The following VPS4B variants were observed in gnomAD, a reference collection of about 807,000 sequenced individuals.
VPS4B encodes vacuolar protein sorting 4 homolog B, also known as vacuolar protein sorting-associated protein 4B.
In VPS4B, 23 loss-of-function variants were observed where a neutral mutation model predicts 56.1. The ratio of observed to expected loss-of-function variants is 0.41; its 90% CI spans 0.30 to 0.58. VPS4B has a LOEUF of 0.58. VPS4B is among the 20% of genes least tolerant of loss of function. The pLI is 0.29. For synonymous variants in VPS4B, 177 were observed against 186.0 expected, an observed-to-expected ratio of 0.95 and a Z score of 0.39; for missense variants, 372 against 531.9, an observed-to-expected ratio of 0.70 and a Z score of 2.96.
Position 63,397,273 on chromosome 18 carries a change from C to A in VPS4B, c.873-20G>T. On this transcript the variant is annotated intron_variant, in intron 8 of 10. Transcript: ENST00000238497. The stretch of plus-strand genomic sequence containing the variant: ...TCAAATCTTAAAAGAGAAATTACAT[C>A]AAGAATATATTTAATTGAAAATTAG... 1.9e-6 allele frequency: 3 copies of A among 1,583,580 alleles called. No individual in the cohort carries two copies. Among genetic ancestry groups the A allele is most frequent in the Non-Finnish European group, 2.6e-6 (3 of 1,164,972 alleles).
intron 1 of VPS4B, among the ~76,000 whole-genome samples, chr18:63,415,064 C>T (rs1390590012): frequency 2.6e-5 from 4 of 152,162 alleles, no homozygotes; most frequent in Non-Finnish European, 5.9e-5. Context: ...CTGGGTGGCA[C>T]ACGTTAAACC....
chr18:63,391,801 T>C (rs1663004734), intron 10 of VPS4B, among the ~76,000 whole-genome samples: 1 of 152,244 alleles, frequency 6.6e-6, no homozygotes, highest in African/African-American at 2.4e-5. Context: ...TACCATTCTA[T>C]GAAAAATCTA....
At chr18:63,408,809 T>C (rs926145121) in intron 3 of VPS4B, among the ~76,000 whole-genome samples, 2 of 152,198 alleles carry the variant, frequency 1.3e-5, no homozygotes, top group African/African-American at 4.8e-5. Context: ...TAAACGAAGA[T>C]TGCTGTTCAG....
At chr18:63,419,730 A>T (rs1281844770) in intron 1 of VPS4B, among the ~76,000 whole-genome samples, 1 of 152,220 alleles carries the variant, frequency 6.6e-6, no homozygotes, top group Non-Finnish European at 1.5e-5. Flanking sequence ...ATTGTGACAT[A>T]GTGTTTCAAA....
chr18:63,410,555 G>A, intron 2 of VPS4B, 109 bp from the exon 3 acceptor site: 1 of 1,374,544 alleles, frequency 7.3e-7, no homozygotes, highest in South Asian at 1.3e-5. Context: ...GTTGGAAGAA[G>A]GAGGGAAGAT....
rs1408085574 is a variant in VPS4B at position 63,411,460 on chromosome 18, G to A, written c.139+7C>T. On this transcript the variant is annotated splice_region_variant and intron_variant, in intron 2 of 10. Coordinates refer to ENST00000238497, the MANE Select transcript of VPS4B (RefSeq NM_004869.4). ...GTTTTTAAATAAAATATAACCTATG[G>A]CCTCACATTTAACGACATGAAGAAA... 6 of 1,508,460 alleles carry A rather than the reference G, an allele frequency of 4.0e-6. No homozygotes were observed. Among genetic ancestry groups the A allele is most frequent in the Non-Finnish European group, 5.3e-6 (6 of 1,122,840 alleles). 93.4% of individuals were successfully genotyped at this position (1,508,460 alleles called of 1,614,324 possible).
In VPS4B at chr18:63,422,406, G is replaced by T; in HGVS notation, c.-147C>A. On this transcript the variant is annotated 5_prime_UTR_variant, in exon 1 of 11. Transcript: ENST00000238497. ...AAGGGCAGCCTCCCTTCCGGAACTT[G>T]TTTTAGACAACACTCTCTCCACCAG... The T allele has an allele frequency of 1.5e-6, 1 of 655,018 alleles. No individual in the cohort carries two copies. The highest frequency in any genetic ancestry group is 2.3e-6 in the Non-Finnish European group (1 of 429,202). 40.6% of individuals were successfully genotyped at this position (655,018 alleles called of 1,614,324 possible). A position where few individuals can be genotyped will look rare whatever the true frequency, so the allele number is the denominator to read the frequency against.
intron 9 of VPS4B, among the ~76,000 whole-genome samples, chr18:63,395,079 G>T (rs1210798819): frequency 6.6e-6 from 1 of 152,154 alleles, no homozygotes; most frequent in East Asian, 1.9e-4. Context: ...CCGCTGAGAG[G>T]TCTGCTGCAG....
chr18:63,422,238 G>A lies in VPS4B; in HGVS notation c.22C>T (p.Leu8Phe), dbSNP rs1369275222. Residue 8 changes from leucine (L) to phenylalanine (F), a missense_variant, in exon 1 of 11, where the codon CTC (leucine) becomes TTC (phenylalanine). Around this residue, in one of 3 missense-constraint regions of VPS4B, gnomAD observed 153 missense variants for 190.3 expected, o/e 0.80. Coordinates refer to ENST00000238497, the MANE Select transcript of VPS4B (RefSeq NM_004869.4). The part of the protein sequence containing the change: MSSTSPN[L>F]QKAIDLASKA... Reference sequence around the variant, plus strand: ...CGGGAGATGAGCAATGATACCTGGAGGTTGGGCGAAGTGGATGACATGGCG... The same window carrying A: ...CGGGAGATGAGCAATGATACCTGGAAGTTGGGCGAAGTGGATGACATGGCG... The A allele has an allele frequency of 1.3e-6, 2 of 1,514,670 alleles. No individual in the cohort carries two copies. Among genetic ancestry groups the A allele is most frequent in the African/African-American group, 1.4e-5 (1 of 69,338 alleles). 93.8% of individuals were successfully genotyped at this position (1,514,670 alleles called of 1,614,324 possible).
chr18:63,397,354 TAA>T (rs1455818108), intron 8 of VPS4B, 101 bp from the exon 9 acceptor site: 1 of 1,030,484 alleles, frequency 9.7e-7, no homozygotes, highest in African/African-American at 1.6e-5. Flanking sequence ...GTGCCAAGGT[TAA>T]ACATATATAT....
intron 4 of VPS4B, among the ~76,000 whole-genome samples, chr18:63,405,098 A>G (rs940834527): frequency 6.6e-6 from 1 of 152,174 alleles, no homozygotes; most frequent in African/African-American, 2.4e-5. Context: ...GTTTTCATAT[A>G]TAATACTTCT....
chr18:63,422,381 A>G lies in VPS4B; in HGVS notation c.-122T>C. ...GGAGGCCGGTGGTTCTCGGACCGCG[A>G]AGGGCAGCCTCCCTTCCGGAACTTG... On this transcript the variant is annotated 5_prime_UTR_variant, in exon 1 of 11. Coordinates refer to ENST00000238497, the MANE Select transcript of VPS4B (RefSeq NM_004869.4). The G allele has an allele frequency of 1.1e-6, 1 of 906,514 alleles. No homozygotes were observed. 56.2% of individuals were successfully genotyped at this position (906,514 alleles called of 1,614,324 possible).
In VPS4B at chr18:63,389,868, A is replaced by G. The variant is rs537974362; in HGVS notation, c.*1107T>C. The G allele has an allele frequency of 2.0e-5, 3 of 152,772 alleles. No individual in the cohort carries two copies. In the South Asian group the frequency reaches 6.2e-4, roughly 32 times the overall value. 9.5% of individuals were successfully genotyped at this position (152,772 alleles called of 1,614,324 possible). Reference sequence around the variant, plus strand: ...TATTAGCAAAGGTGCGCATTACAGTATTTCATGACAGTTAAAAATTACACA... The same window carrying G: ...TATTAGCAAAGGTGCGCATTACAGTGTTTCATGACAGTTAAAAATTACACA... On this transcript the variant is annotated 3_prime_UTR_variant, in exon 11 of 11. Transcript: ENST00000238497.
At position 63,411,530 on chromosome 18, in the gene VPS4B, T is replaced by C. The variant is rs1008460201; in HGVS notation, c.76A>G (p.Asn26Asp). 1.9e-6 allele frequency: 3 copies of C among 1,602,958 alleles called. No homozygotes were observed. Among genetic ancestry groups the C allele is most frequent in the Non-Finnish European group, 2.6e-6 (3 of 1,174,102 alleles). The change falls in exon 2 of 11, where the codon AAC becomes GAC. Residue 26 changes from asparagine to aspartate, a missense_variant. Asn to Asp is a conservative substitution (Grantham distance 23, BLOSUM62 1). Around this residue, in one of 3 missense-constraint regions of VPS4B, gnomAD observed 153 missense variants for 190.3 expected, o/e 0.80. Coordinates refer to ENST00000238497, the MANE Select transcript of VPS4B (RefSeq NM_004869.4). ...SKAAQEDKAG[N>D]YEEALQLYQH... ...TAGAGCTGAAGGGCTTCTTCGTAGTTCCCAGCCTTGTCTTCTTGCGCTGCT... is the reference window on the plus strand; with the variant it reads ...TAGAGCTGAAGGGCTTCTTCGTAGTCCCCAGCCTTGTCTTCTTGCGCTGCT...
chr18:63,395,348 TG>T (rs1445105257), intron 9 of VPS4B, among the ~76,000 whole-genome samples: 1 of 152,202 alleles, frequency 6.6e-6, no homozygotes, highest in East Asian at 1.9e-4. Context: ...GAAGGGTGGA[TG>T]AGTAACATTC....
intron 1 of VPS4B, among the ~76,000 whole-genome samples, chr18:63,412,136 A>G (rs12457695): frequency 0.29 from 43,584 of 152,112 alleles, 6,931 homozygotes; most frequent in East Asian, 0.49. Flanking sequence ...GGTCTTTTAA[A>G]TAACAAAAAC....
Position 63,403,666 on chromosome 18 carries a change from T to C in VPS4B, c.484+41A>G, listed in dbSNP as rs530397995. ...CTTCACCTCAGTCATCAATGAACTTTTACAAACTCATGAAATAAAATTATT... is the reference window on the plus strand; with the variant it reads ...CTTCACCTCAGTCATCAATGAACTTCTACAAACTCATGAAATAAAATTATT... On this transcript the variant is annotated intron_variant, in intron 5 of 10. Coordinates refer to ENST00000238497, the MANE Select transcript of VPS4B (RefSeq NM_004869.4). The C allele has an allele frequency of 8.9e-6, 14 of 1,565,920 alleles. No individual in the cohort carries two copies. In the African/African-American group the frequency reaches 1.4e-4, roughly 15 times the overall value.
intron 1 of VPS4B, among the ~76,000 whole-genome samples, chr18:63,414,962 T>C (rs1158983909): frequency 1.3e-5 from 2 of 152,232 alleles, no homozygotes; most frequent in Non-Finnish European, 2.9e-5. Flanking sequence ...ATGATGAGAA[T>C]GTCTGTATAT....
intron 1 of VPS4B, among the ~76,000 whole-genome samples, chr18:63,412,080 C>A (rs1273338010): frequency 2.0e-5 from 3 of 152,084 alleles, no homozygotes. Flanking sequence ...ATATTTCAAT[C>A]CAGTAATTAA....
Sources: gnomAD v4.1 joint callset for allele counts (sites outside exome capture counted in the v4.1 genomes callset) on GRCh38, gnomAD v4.1.1 for gene constraint, gnomAD v4.1.1 regional missense constraint, MANE v1.5 for transcripts, NCBI Gene and HGNC (gene_info 2026-07-23, HGNC 2026-07-21) for gene names.